THRB: variants seen among roughly 807,000 people sequenced by gnomAD.
THRB encodes the protein thyroid hormone receptor beta.
A neutral mutation model predicts 47.8 loss-of-function variants in THRB; 12 were observed. The ratio of observed to expected loss-of-function variants is 0.25; its 90% CI spans 0.16 to 0.41. The LOEUF (loss-of-function observed/expected upper bound fraction) is 0.41. Ranked by LOEUF, THRB falls within the 10% of genes least tolerant of loss-of-function variation. The pLI, the probability that THRB is intolerant of heterozygous loss-of-function variation, is 1.00. For missense variants in THRB, 348 were observed against 589.2 expected (o/e 0.59, Z 4.24); for synonymous variants, 218 against 212.2 (o/e 1.03, Z -0.24).
intron 9 of THRB, 33 bp downstream of exon 9, chr3:24,133,283 A>C (rs1241827705): frequency 6.2e-7 from 1 of 1,611,786 alleles, no homozygotes; most frequent in East Asian, 2.2e-5. Flanking sequence ...ACTATAATTA[A>C]GAATAATGCA....
intron 4 of THRB, among the ~76,000 whole-genome samples, chr3:24,213,478 A>T (rs1387255292): frequency 6.6e-6 from 1 of 152,210 alleles, no homozygotes; most frequent in Non-Finnish European, 1.5e-5. Flanking sequence ...AGAGAAGGCT[A>T]ATCCCAGCCC....
chr3:24,151,818 T>G (rs1466629271), intron 6 of THRB, among the ~76,000 whole-genome samples: 1 of 152,214 alleles, frequency 6.6e-6, no homozygotes, highest in Non-Finnish European at 1.5e-5. Flanking sequence ...CAGCACAAAA[T>G]TAGCCGATGG....
At chr3:24,184,236 G>A (rs922727117) in intron 5 of THRB, among the ~76,000 whole-genome samples, 2 of 152,232 alleles carry the variant, frequency 1.3e-5, no homozygotes, top group East Asian at 1.9e-4. Flanking sequence ...CCAGTGGACA[G>A]ACATTTAGAT....
intron 3 of THRB, among the ~76,000 whole-genome samples, chr3:24,261,049 A>G (rs1055913911): frequency 2.6e-5 from 4 of 152,098 alleles, no homozygotes; most frequent in South Asian, 2.1e-4. Context: ...ACCTGGTCCT[A>G]TCTAAGCTCA....
chr3:24,459,027 T>A (rs1285622668), intron 1 of THRB: 1 of 152,070 alleles, frequency 6.6e-6, no homozygotes, highest in Non-Finnish European at 1.5e-5. Context: ...GTTACATAGG[T>A]ATGCACATGC....
chr3:24,261,897 A>C (rs887668941), intron 3 of THRB, among the ~76,000 whole-genome samples: 1 of 152,172 alleles, frequency 6.6e-6, no homozygotes, highest in Non-Finnish European at 1.5e-5. Context: ...TTTTCCATCC[A>C]GCCTTTACAA....
At chr3:24,248,371 T>C (rs1414537849) in intron 3 of THRB, among the ~76,000 whole-genome samples, 2 of 152,128 alleles carry the variant, frequency 1.3e-5, no homozygotes, top group Non-Finnish European at 2.9e-5. Flanking sequence ...CAAGAGATAT[T>C]TGGAAATTTA....
chr3:24,133,248 C>A, intron 9 of THRB, 68 bp downstream of exon 9: 1 of 1,532,598 alleles, frequency 6.5e-7, no homozygotes, highest in Non-Finnish European at 9.0e-7. Flanking sequence ...GTAAATAATA[C>A]CCAGTATTCC....
chr3:24,134,553 C>T, intron 8 of THRB, among the ~76,000 whole-genome samples: 1 of 152,182 alleles, frequency 6.6e-6, no homozygotes, highest in East Asian at 1.9e-4. Flanking sequence ...TGAGGCCAGG[C>T]CTGCGATCTG....
intron 3 of THRB, among the ~76,000 whole-genome samples, chr3:24,233,707 A>G (rs2048571937): frequency 6.6e-6 from 1 of 152,190 alleles, no homozygotes; most frequent in South Asian, 2.1e-4. Flanking sequence ...ACGATGGAAA[A>G]CGTATCTTAA....
chr3:24,144,030 T>C (rs887261741), intron 7 of THRB: 5 of 371,954 alleles, frequency 1.3e-5, no homozygotes, highest in African/African-American at 8.2e-5. Context: ...AAATCCATAC[T>C]ACCCACAAGA....
intron 1 of THRB, among the ~76,000 whole-genome samples, chr3:24,373,458 T>C (rs976401831): frequency 6.6e-6 from 1 of 152,134 alleles, no homozygotes; most frequent in African/African-American, 2.4e-5. Context: ...AGCTGACATC[T>C]TGGAGGCCAG....
chr3:24,370,636 A>C (rs1392724292), intron 1 of THRB, among the ~76,000 whole-genome samples: 1 of 152,122 alleles, frequency 6.6e-6, no homozygotes, highest in Admixed American at 6.6e-5. Flanking sequence ...GTCTGGGGAC[A>C]GTCTTCTAAA....
chr3:24,143,048 T>G (rs1227239284), intron 8 of THRB, among the ~76,000 whole-genome samples: 3 of 152,138 alleles, frequency 2.0e-5, no homozygotes, highest in African/African-American at 7.2e-5. Context: ...GCTAAAAAAT[T>G]TTGACTTCTG....
At chr3:24,315,623 C>T (rs1158622798) in intron 2 of THRB, among the ~76,000 whole-genome samples, 1 of 152,134 alleles carries the variant, frequency 6.6e-6, no homozygotes, top group Non-Finnish European at 1.5e-5. Context: ...CTTGTGGTAA[C>T]CTAAACCCCT....
chr3:24,352,858 A>G (rs2063440381), intron 1 of THRB, among the ~76,000 whole-genome samples: 1 of 152,130 alleles, frequency 6.6e-6, no homozygotes, highest in Admixed American at 6.6e-5. Context: ...TTTCTTTTTT[A>G]TTCTTTTCCT....
chr3:24,213,253 A>G (rs1224883565), intron 4 of THRB, among the ~76,000 whole-genome samples: 3 of 152,212 alleles, frequency 2.0e-5, no homozygotes, highest in African/African-American at 7.2e-5. Flanking sequence ...TGGCCAGTGC[A>G]TGTGGTGTTC....
chr3:24,309,939 T>C (rs1257097877), intron 2 of THRB, among the ~76,000 whole-genome samples: 1 of 152,112 alleles, frequency 6.6e-6, no homozygotes, highest in African/African-American at 2.4e-5. Flanking sequence ...AACAAACAAG[T>C]GGAAAAGAAA....
At chr3:24,349,239 G>A (rs537894982) in intron 1 of THRB, among the ~76,000 whole-genome samples, 2 of 152,102 alleles carry the variant, frequency 1.3e-5, no homozygotes, top group South Asian at 2.1e-4. Flanking sequence ...TAGATTGGGC[G>A]CCTCAATATT....
Sources: allele counts gnomAD v4.1 joint callset (sites outside exome capture counted in the v4.1 genomes callset), GRCh38; gene constraint gnomAD v4.1.1; transcripts MANE v1.5; gene names NCBI Gene and HGNC (gene_info 2026-07-23, HGNC 2026-07-21).